TET3: variants seen among roughly 807,000 people sequenced by gnomAD.
The protein encoded by TET3 is tet methylcytosine dioxygenase 3.
A neutral mutation model predicts 141.4 loss-of-function variants in TET3; 19 were observed. The observed-to-expected ratio is 0.13, with a 90% CI of 0.09 to 0.20. TET3 has a LOEUF of 0.20. Among genes scored for constraint, TET3 ranks in the 10% least tolerant of loss-of-function variants. TET3 has a pLI of 1.00. For missense variants in TET3, 1,874 were observed against 2,356.9 expected (o/e 0.80, Z 4.24); for synonymous variants, 1,043 against 980.9 (o/e 1.06, Z -1.18).
chr2:74,116,411 G>A, the TET3 span, among the ~76,000 whole-genome samples: 6 of 152,120 alleles, frequency 3.9e-5, no homozygotes, highest in Admixed American at 3.3e-4. Context: ...GGGAGGGCAC[G>A]GTGGCTCATG....
chr2:74,084,483 C>T (rs1027006710), intron 6 of TET3, among the ~76,000 whole-genome samples: 4 of 150,580 alleles, frequency 2.7e-5, no homozygotes, highest in African/African-American at 2.4e-5. Flanking sequence ...GATGGAGTCT[C>T]GCTCTGTCGC....
intron 4 of TET3, among the ~76,000 whole-genome samples, chr2:74,066,955 G>A (rs1014085074): frequency 6.6e-6 from 1 of 152,152 alleles, no homozygotes; most frequent in East Asian, 1.9e-4. Context: ...ATTTTCTCCA[G>A]ACAATAGCAA....
intron 3 of TET3, among the ~76,000 whole-genome samples, chr2:74,014,513 C>T (rs1315298536): frequency 6.6e-6 from 1 of 152,046 alleles, no homozygotes; most frequent in East Asian, 1.9e-4. Flanking sequence ...AATAGGGACC[C>T]TAGTAATAGC....
At chr2:74,110,509 G>A (rs1368736371), downstream of TET3, among the ~76,000 whole-genome samples, 1 of 152,032 alleles carries the variant, frequency 6.6e-6, no homozygotes, top group Non-Finnish European at 1.5e-5. Flanking sequence ...CCCTGCAAGG[G>A]GACATGAAGC....
intron 3 of TET3, among the ~76,000 whole-genome samples, chr2:74,021,006 C>T (rs139296321): frequency 6.6e-6 from 1 of 152,196 alleles, no homozygotes; most frequent in African/African-American, 2.4e-5. Context: ...TCTGGCTCCT[C>T]TGCTGGTTTG....
downstream of TET3, among the ~76,000 whole-genome samples, chr2:74,113,006 C>CCAAAAA (rs780195901): frequency 5.8e-5 from 2 of 34,398 alleles, no homozygotes; most frequent in African/African-American, 1.0e-4. Context: ...GACTCCGTCT[C>CCAAAAA]AAAAAAAAAA....
chr2:74,048,727 G>A (rs567590918), intron 4 of TET3, among the ~76,000 whole-genome samples: 1 of 152,314 alleles, frequency 6.6e-6, no homozygotes, highest in South Asian at 2.1e-4. Context: ...CAGATAGAAA[G>A]GACACATTCT....
chr2:73,998,716 TG>T (rs1052536581), intron 2 of TET3, among the ~76,000 whole-genome samples: 1 of 152,124 alleles, frequency 6.6e-6, no homozygotes, highest in Admixed American at 6.5e-5. Context: ...GTGTGTGTGA[TG>T]GGCGGCAATT....
chr2:74,051,415 A>G (rs1170878800), intron 4 of TET3, among the ~76,000 whole-genome samples: 1 of 152,254 alleles, frequency 6.6e-6, no homozygotes, highest in Non-Finnish European at 1.5e-5. Flanking sequence ...TGGAAAAAAG[A>G]CTAGAAGAAA....
Position 74,057,854 on chromosome 2 carries a change from G to A in TET3, c.2494+9443G>A, listed in dbSNP as rs186621437. Reference sequence around the variant, plus strand: ...TTCAAATTCTGTAGGAAAAGTGGAGGGATTAATATAACATTTAATAAGAAA... The same window carrying A: ...TTCAAATTCTGTAGGAAAAGTGGAGAGATTAATATAACATTTAATAAGAAA... On this transcript the variant is annotated intron_variant, in intron 4 of 11. Coordinates refer to ENST00000409262, the MANE Select transcript of TET3 (RefSeq NM_001287491.2). Among the ~76,000 whole-genome samples the A allele has an allele frequency of 7.4e-4, 113 of 151,894 alleles. 1 individual carries two copies. Among genetic ancestry groups the A allele is most frequent in the Admixed American group, 1.2e-3 (19 of 15,262 alleles).
chr2:73,994,560 A>T (rs1245093003), intron 2 of TET3, among the ~76,000 whole-genome samples: 1 of 151,684 alleles, frequency 6.6e-6, no homozygotes, highest in African/African-American at 2.4e-5. Flanking sequence ...AGGGAGATTC[A>T]CATTTGGTGG....
chr2:74,101,681 G>C lies in TET3; in HGVS notation c.4893G>C (p.Ala1631=), dbSNP rs766328938. The change falls in exon 12 of 12, where the codon GCG becomes GCC. Residue 1631 remains alanine, a synonymous_variant. Transcript: ENST00000409262. The surrounding 1 kb of genome is among the most constrained non-coding windows in gnomAD (Gnocchi z 8.5). ...AGGAGGAGAAGGGCGGTGGTGGTGC[G>C]GAGGAGGAAGAGGAGGAGCTGTGGT... ...AVKEEKGGGG[A]EEEEEELWSD... is the part of the protein sequence containing the mutation. The C allele has an allele frequency of 1.2e-5, 19 of 1,613,528 alleles. No individual in the cohort carries two copies. The highest frequency in any genetic ancestry group is 5.0e-5 in the Admixed American group (3 of 60,008).
intron 6 of TET3, among the ~76,000 whole-genome samples, chr2:74,084,060 G>A (rs1689978523): frequency 6.6e-6 from 1 of 152,190 alleles, no homozygotes; most frequent in Non-Finnish European, 1.5e-5. Context: ...ACCGTGTTCA[G>A]GTGTTACTGA....
At chr2:74,120,951 G>C in the TET3 span, 2 of 152,084 alleles carry the variant, frequency 1.3e-5, no homozygotes, top group Non-Finnish European at 2.9e-5. Flanking sequence ...GGAGTTACAA[G>C]GGCATGTTCA....
chr2:74,090,984 C>T lies in TET3; in HGVS notation c.3039+937C>T, dbSNP rs546647349. Among the ~76,000 whole-genome samples the T allele has an allele frequency of 2.6e-5, 4 of 152,224 alleles. No homozygotes were observed. In the South Asian group the frequency reaches 8.3e-4, roughly 32 times the overall value. On this transcript the variant is annotated intron_variant, in intron 8 of 11. Transcript: ENST00000409262. ...TAGTACCAGAAGGGCTTCCCACTTC[C>T]CGTGGTGCAGGGACACCCTCTCTAC...
chr2:74,099,176 T>G (rs1229844446), intron 10 of TET3, 100 bp from the exon 11 acceptor site: 1 of 1,084,942 alleles, frequency 9.2e-7, no homozygotes. Flanking sequence ...TGGGATTGTG[T>G]GGGGAAAGAT....
At chr2:74,026,606 A>AT (rs1686376549) in intron 3 of TET3, among the ~76,000 whole-genome samples, 1 of 152,114 alleles carries the variant, frequency 6.6e-6, no homozygotes, top group Non-Finnish European at 1.5e-5. Context: ...TAAAAACATG[A>AT]TTTGTTTTTT....
intron 4 of TET3, among the ~76,000 whole-genome samples, chr2:74,059,944 G>A (rs1249781708): frequency 6.6e-6 from 1 of 152,138 alleles, no homozygotes; most frequent in African/African-American, 2.4e-5. Flanking sequence ...GGTCTTTTGG[G>A]TTGTTTCCAA....
intron 11 of TET3, among the ~76,000 whole-genome samples, chr2:74,100,175 C>G (rs1691098060): frequency 6.6e-6 from 1 of 152,108 alleles, no homozygotes; most frequent in Non-Finnish European, 1.5e-5. Flanking sequence ...ATCGCCTCCT[C>G]CCACCCCCAG....
Sources: allele counts gnomAD v4.1 joint callset (sites outside exome capture counted in the v4.1 genomes callset), GRCh38; gene constraint gnomAD v4.1.1; non-coding constraint Gnocchi (gnomAD v3.1); transcripts MANE v1.5; gene names NCBI Gene and HGNC (gene_info 2026-07-23, HGNC 2026-07-21).